The following LAMA2 variants were observed in gnomAD, a reference collection of about 807,000 sequenced individuals.
LAMA2 encodes the protein laminin subunit alpha 2.
A neutral mutation model predicts 364.8 loss-of-function variants in LAMA2; 269 were observed. The ratio of observed to expected loss-of-function variants is 0.74; its 90% CI spans 0.67 to 0.82. The LOEUF is 0.82. LAMA2 is among the 40% of genes least tolerant of loss of function. LAMA2 has a pLI of 0.00. For missense variants in LAMA2, 3,807 were observed against 3,873.2 expected, an observed-to-expected ratio of 0.98 and a Z score of 0.45; for synonymous variants, 1,379 against 1,370.6, an observed-to-expected ratio of 1.01 and a Z score of -0.14.
At chr6:129,243,013 TG>T (rs1785497715) in intron 12 of LAMA2, among the ~76,000 whole-genome samples, 1 of 152,086 alleles carries the variant, frequency 6.6e-6, no homozygotes, top group South Asian at 2.1e-4. Flanking sequence ...AATGGATCTG[TG>T]TTGGGGAAAG....
At chr6:129,435,839 T>G (rs1412953343) in intron 41 of LAMA2, among the ~76,000 whole-genome samples, 1 of 152,152 alleles carries the variant, frequency 6.6e-6, no homozygotes, top group Non-Finnish European at 1.5e-5. Flanking sequence ...CCCTTTGCTA[T>G]TCTTCACAGA....
At chr6:128,885,475 T>C (rs1031285413) in intron 1 of LAMA2, among the ~76,000 whole-genome samples, 1 of 152,220 alleles carries the variant, frequency 6.6e-6, no homozygotes, top group Non-Finnish European at 1.5e-5. Context: ...CCCTTTTTTA[T>C]GGTTCCAAGG....
chr6:129,285,527 T>A (rs922758784), intron 18 of LAMA2, among the ~76,000 whole-genome samples: 1 of 152,132 alleles, frequency 6.6e-6, no homozygotes, highest in African/African-American at 2.4e-5. Flanking sequence ...TAAAGCTATC[T>A]CTCCAAAGGG....
At chr6:129,258,081 T>G (rs1416823175) in intron 14 of LAMA2, among the ~76,000 whole-genome samples, 1 of 152,038 alleles carries the variant, frequency 6.6e-6, no homozygotes, top group Non-Finnish European at 1.5e-5. Context: ...AAAAGTCTAC[T>G]GAACATGAAC....
chr6:129,316,492 T>C (rs561250133), intron 27 of LAMA2, among the ~76,000 whole-genome samples: 1 of 152,278 alleles, frequency 6.6e-6, no homozygotes, highest in South Asian at 2.1e-4. Context: ...TATAAATGGA[T>C]TATAAAAGTG....
In LAMA2 at chr6:129,353,430, G is replaced by T. The variant is rs1340376275; in HGVS notation, c.4717+73G>T. The T allele has an allele frequency of 1.9e-5, 23 of 1,228,394 alleles. No homozygotes were observed. In the Admixed American group the frequency reaches 2.7e-4, roughly 15 times the overall value. The allele number at this position is 1,228,394 out of a possible 1,614,324, so 76.1% of individuals were successfully genotyped here. The stretch of plus-strand genomic sequence containing the variant: ...TCTGTCTCATTTCCAATGAGAAAGA[G>T]TGACTCTCCCCGCCCGCCTTTTTTT... On this transcript the variant is annotated intron_variant, in intron 32 of 64. Transcript: ENST00000421865.
intron 2 of LAMA2, among the ~76,000 whole-genome samples, chr6:129,051,376 G>A (rs776893166): frequency 2.0e-5 from 3 of 149,318 alleles, no homozygotes; most frequent in East Asian, 2.0e-4. Flanking sequence ...GCAGTGGTGC[G>A]ATCTCAGCTC....
At chr6:129,514,225 T>TTA (rs902102778) in intron 63 of LAMA2, 148 bp from the exon 64 acceptor site, 130 of 692,748 alleles carry the variant, frequency 1.9e-4, no homozygotes, top group Non-Finnish European at 3.1e-4. Context: ...TGTCAAGTTT[T>TTA]AAAATTTTTT....
At chr6:129,089,122 G>A (rs1774641397) in intron 3 of LAMA2, among the ~76,000 whole-genome samples, 1 of 152,268 alleles carries the variant, frequency 6.6e-6, no homozygotes, top group African/African-American at 2.4e-5. Flanking sequence ...GACCAGCCCG[G>A]TAGATGATGA....
intron 34 of LAMA2, among the ~76,000 whole-genome samples, chr6:129,382,880 A>G (rs1317501232): frequency 6.6e-6 from 1 of 152,240 alleles, no homozygotes; most frequent in Non-Finnish European, 1.5e-5. Context: ...CTGCCATAGC[A>G]TATAACAAGC....
At chr6:129,027,424 C>A (rs1451191865) in intron 1 of LAMA2, among the ~76,000 whole-genome samples, 1 of 151,902 alleles carries the variant, frequency 6.6e-6, no homozygotes, top group Admixed American at 6.6e-5. Flanking sequence ...GCTAACATGT[C>A]GTAAGTGAAT....
At chr6:128,929,089 T>A (rs182592999) in intron 1 of LAMA2, 1 of 1,459,002 alleles carries the variant, frequency 6.9e-7, no homozygotes, top group African/African-American at 1.4e-5. Flanking sequence ...GAATCCACAC[T>A]GTGGACCGCA....
At chr6:129,228,027 T>A (rs1474645062) in intron 12 of LAMA2, among the ~76,000 whole-genome samples, 1 of 152,088 alleles carries the variant, frequency 6.6e-6, no homozygotes, top group East Asian at 1.9e-4. Context: ...GCCTCGGCAA[T>A]GGCGGGCGCC....
At chr6:129,451,730 C>T (rs905793710) in intron 45 of LAMA2, among the ~76,000 whole-genome samples, 18 of 152,114 alleles carry the variant, frequency 1.2e-4, no homozygotes, top group Non-Finnish European at 2.5e-4. Context: ...CTTTTGAATC[C>T]AACCAATTTG....
intron 23 of LAMA2, 115 bp from the exon 24 acceptor site, chr6:129,314,537 GTTC>G (rs1222062116): frequency 2.3e-6 from 2 of 856,054 alleles, no homozygotes; most frequent in East Asian, 2.6e-5. Context: ...AATACTCAGT[GTTC>G]TTCTGTTTTG....
chr6:129,095,858 G>C (rs146649398), intron 3 of LAMA2, among the ~76,000 whole-genome samples: 2 of 152,010 alleles, frequency 1.3e-5, no homozygotes, highest in African/African-American at 4.8e-5. Context: ...GGGAGGCAGA[G>C]GTTGCAGTGA....
intron 45 of LAMA2, among the ~76,000 whole-genome samples, chr6:129,449,490 C>T (rs1034674688): frequency 5.9e-5 from 9 of 152,228 alleles, no homozygotes; most frequent in African/African-American, 2.2e-4. Context: ...GGACAGAGCC[C>T]TCATGACCGA....
intron 13 of LAMA2, 63 bp downstream of exon 13, chr6:129,250,276 T>C: frequency 9.7e-7 from 1 of 1,032,530 alleles, no homozygotes; most frequent in East Asian, 2.4e-5. Flanking sequence ...TTACCAGTAC[T>C]GTATTTTTTA....
At position 129,279,872 on chromosome 6, in the gene LAMA2, C is replaced by T. The variant is rs148398501; in HGVS notation, c.2451-189C>T. On this transcript the variant is annotated intron_variant, in intron 17 of 64. Transcript: ENST00000421865. ...ACTGCTCTCCACTGGGCTATATTCA[C>T]GTCTGCAGAAATAGCAATGTCATTT... Among the ~76,000 whole-genome samples the T allele has an allele frequency of 6.0e-3, 909 of 152,248 alleles. 3 individuals carry two copies. Among genetic ancestry groups the T allele is most frequent in the African/African-American group, 0.02 (844 of 41,552 alleles).
Sources: allele counts gnomAD v4.1 joint callset (sites outside exome capture counted in the v4.1 genomes callset), GRCh38; gene constraint gnomAD v4.1.1; transcripts MANE v1.5; gene names NCBI Gene and HGNC (gene_info 2026-07-23, HGNC 2026-07-21).